The following FOXP1 variants were observed in gnomAD, a reference collection of about 807,000 sequenced individuals.
FOXP1 encodes forkhead box P1, also known as forkhead box protein P1.
Under a neutral mutation model 98.2 loss-of-function variants are expected in FOXP1, and 15 were observed. The observed-to-expected ratio is 0.15, with a 90% CI of 0.10 to 0.24. The LOEUF is 0.24. FOXP1 is among the 10% of genes least tolerant of loss of function. The pLI is 1.00. For synonymous variants in FOXP1, 371 were observed against 314.5 expected, an observed-to-expected ratio of 1.18 and a Z score of -1.90; for missense variants, 633 against 848.5, an observed-to-expected ratio of 0.75 and a Z score of 3.15.
At chr3:71,184,814 T>C (rs1169737205) in intron 6 of FOXP1, among the ~76,000 whole-genome samples, 1 of 151,662 alleles carries the variant, frequency 6.6e-6, no homozygotes, top group Non-Finnish European at 1.5e-5. Context: ...AAATTACACA[T>C]ACAAACACAC....
rs75431867 is a variant in FOXP1, at chr3:71,102,614, G to A, written c.282+9922C>T. Among the ~76,000 whole-genome samples, 158 of 152,248 alleles carry A rather than the reference G, an allele frequency of 1.0e-3. 6 individuals are homozygous for A. The East Asian group carries it at 0.021, about 20-fold the overall frequency. On this transcript the variant is annotated intron_variant, in intron 7 of 20. Transcript: ENST00000649528. ...TACCCGTCTTTCTTCTCTTTCCCAAGCGTCATTTCCCTTTAGAAAGTGCAT... is the reference window on the plus strand; with the variant it reads ...TACCCGTCTTTCTTCTCTTTCCCAAACGTCATTTCCCTTTAGAAAGTGCAT...
At chr3:71,291,251 A>T (rs1024425565) in intron 5 of FOXP1, among the ~76,000 whole-genome samples, 16 of 152,250 alleles carry the variant, frequency 1.1e-4, no homozygotes, top group Non-Finnish European at 2.2e-4. Flanking sequence ...AGTAACTGTG[A>T]CGCTTTTCAG....
chr3:71,009,239 A>T (rs925049465), intron 12 of FOXP1, among the ~76,000 whole-genome samples: 5 of 150,156 alleles, frequency 3.3e-5, no homozygotes, highest in African/African-American at 1.2e-4. Flanking sequence ...AAGCTAACAT[A>T]ACCCTGGATA....
At chr3:70,993,403 G>A (rs556636162) in intron 13 of FOXP1, among the ~76,000 whole-genome samples, 3 of 152,326 alleles carry the variant, frequency 2.0e-5, no homozygotes, top group East Asian at 3.9e-4. Flanking sequence ...TCCTCTGGGT[G>A]GAAGCGTTAA....
intron 14 of FOXP1, among the ~76,000 whole-genome samples, chr3:70,987,075 C>T (rs758473946): frequency 7.2e-5 from 11 of 152,162 alleles, no homozygotes; most frequent in Non-Finnish European, 1.0e-4. Context: ...AGATTGTCAA[C>T]GCTCAATTAA....
rs191045517 is a variant in FOXP1, at chr3:71,215,493, T to C, written c.-11-17101A>G. The stretch of plus-strand genomic sequence containing the variant: ...GTGTTCTGAGAGCACAGAGGAATAA[T>C]GTATGTAAAGTGTCTTGTATGTAGT... On this transcript the variant is annotated intron_variant, in intron 5 of 20. Coordinates refer to ENST00000649528, the MANE Select transcript of FOXP1 (RefSeq NM_001349338.3). Among the ~76,000 whole-genome samples, 33 of 152,318 alleles carry C rather than the reference T, an allele frequency of 2.2e-4. 1 individual carries two copies. The highest frequency in any genetic ancestry group is 7.5e-4 in the African/African-American group (31 of 41,570).
At position 71,411,233 on chromosome 3, in the gene FOXP1, A is replaced by C. The variant is rs566218320; in HGVS notation, c.-167-51989T>G. Among the ~76,000 whole-genome samples, 4 of 151,878 alleles carry C rather than the reference A, an allele frequency of 2.6e-5. No individual in the cohort carries two copies. In the East Asian group the frequency reaches 7.7e-4, roughly 29 times the overall value. Reference sequence around the variant, plus strand: ...ATGCATCTGCTCCAGTTCCCCCTCCAGAGTGGACAAACTTGTTGTGGACTT... The same window carrying C: ...ATGCATCTGCTCCAGTTCCCCCTCCCGAGTGGACAAACTTGTTGTGGACTT... On this transcript the variant is annotated intron_variant, in intron 3 of 20. Coordinates refer to ENST00000649528, the MANE Select transcript of FOXP1 (RefSeq NM_001349338.3).
chr3:71,306,886 A>C (rs1036480819), intron 4 of FOXP1, among the ~76,000 whole-genome samples: 9 of 152,282 alleles, frequency 5.9e-5, no homozygotes, highest in African/African-American at 2.2e-4. Context: ...TTTCGGCAGA[A>C]AATATGCCAT....
At chr3:70,970,635 A>ATTAAAAT in intron 19 of FOXP1, 101 bp downstream of exon 19, 1 of 1,027,076 alleles carries the variant, frequency 9.7e-7, no homozygotes, top group East Asian at 2.4e-5. Flanking sequence ...GTTTAACGGA[A>ATTAAAAT]TTAAAATTTA....
chr3:71,582,142 G>A lies in FOXP1; in HGVS notation c.-446-445C>T, dbSNP rs1028417327. The A allele has an allele frequency of 1.4e-5, 14 of 985,092 alleles. No homozygotes were observed. In the South Asian group the frequency reaches 1.9e-4, roughly 13 times the overall value. The allele number at this position is 985,092 out of a possible 1,614,324, so 61.0% of individuals were successfully genotyped here. On this transcript the variant is annotated intron_variant, in intron 1 of 20. Transcript: ENST00000649528. ...GAGGGGGGCATGCGACTTTGTTTCC[G>A]GGAGCGGAGCTCCCCAGAGCCCGTG...
intron 4 of FOXP1, among the ~76,000 whole-genome samples, chr3:71,326,003 C>T (rs1261088613): frequency 6.6e-6 from 1 of 152,012 alleles, no homozygotes; most frequent in African/African-American, 2.4e-5. Flanking sequence ...CCATATAGCC[C>T]TCAGTGTATT....
At chr3:71,229,573 G>A (rs189158446) in intron 5 of FOXP1, among the ~76,000 whole-genome samples, 30 of 152,146 alleles carry the variant, frequency 2.0e-4, no homozygotes, top group Admixed American at 1.8e-3. Flanking sequence ...TATACTTAAT[G>A]TTGAATACTG....
At chr3:71,064,732 C>T (rs2052136348) in intron 7 of FOXP1, 1 of 902,874 alleles carries the variant, frequency 1.1e-6, no homozygotes, top group Admixed American at 6.2e-5. Flanking sequence ...CTCGGGCTCT[C>T]CTGCCTTCCC....
At chr3:71,134,263 T>G (rs2059711996) in intron 6 of FOXP1, among the ~76,000 whole-genome samples, 1 of 152,226 alleles carries the variant, frequency 6.6e-6, no homozygotes, top group Admixed American at 6.5e-5. Flanking sequence ...CTTGATATTT[T>G]TACAATTTCG....
At chr3:71,292,679 C>CA (rs1296375453) in intron 5 of FOXP1, 1 of 152,138 alleles carries the variant, frequency 6.6e-6, no homozygotes, top group Non-Finnish European at 1.5e-5. Flanking sequence ...AGATAATTAA[C>CA]AAAACATCTA....
intron 6 of FOXP1, among the ~76,000 whole-genome samples, chr3:71,157,478 A>G (rs2060882026): frequency 6.6e-6 from 1 of 152,236 alleles, no homozygotes; most frequent in African/African-American, 2.4e-5. Context: ...AAAGGTGAAA[A>G]TTAAAGTCAA....
chr3:70,969,501 C>T (rs1173070564), intron 19 of FOXP1: 1 of 152,298 alleles, frequency 6.6e-6, no homozygotes. Context: ...CTGTAGGGTA[C>T]AGAGTCGTGC....
At chr3:71,032,209 A>G (rs575370695) in intron 11 of FOXP1, among the ~76,000 whole-genome samples, 1 of 152,354 alleles carries the variant, frequency 6.6e-6, no homozygotes, top group African/African-American at 2.4e-5. Flanking sequence ...CAAGCTGTAA[A>G]ACTCTTGGCG....
chr3:71,583,686 G>A lies in FOXP1; in HGVS notation c.-562C>T, dbSNP rs1318092847. On this transcript the variant is annotated 5_prime_UTR_variant, in exon 1 of 21. Coordinates refer to ENST00000649528, the MANE Select transcript of FOXP1 (RefSeq NM_001349338.3). Reference sequence around the variant, plus strand: ...CACACTCACTCGCGCACACACGCGCGCACACACGCACTCCCGGGCGAGGGC... The same window carrying A: ...CACACTCACTCGCGCACACACGCGCACACACACGCACTCCCGGGCGAGGGC... The A allele has an allele frequency of 1.0e-6, 1 of 984,486 alleles. No homozygotes were observed. The highest frequency in any genetic ancestry group is 1.2e-6 in the Non-Finnish European group (1 of 829,622). The allele number at this position is 984,486 out of a possible 1,614,324, so 61.0% of individuals were successfully genotyped here.
Sources: allele counts gnomAD v4.1 joint callset (sites outside exome capture counted in the v4.1 genomes callset), GRCh38; gene constraint gnomAD v4.1.1; transcripts MANE v1.5; gene names NCBI Gene and HGNC (gene_info 2026-07-23, HGNC 2026-07-21).